Variants in ADAMTS19 observed in about 807,000 individuals in gnomAD.
ADAMTS19 encodes the protein ADAM metallopeptidase with thrombospondin type 1 motif 19, also known as A disintegrin and metalloproteinase with thrombospondin motifs 19.
In ADAMTS19, 93 loss-of-function variants were observed where a neutral mutation model predicts 153.3. The observed-to-expected ratio is 0.61, with a 90% CI of 0.51 to 0.72. ADAMTS19 has a LOEUF of 0.72. Ranked by LOEUF, ADAMTS19 falls within the 30% of genes least tolerant of loss-of-function variation. The pLI is 0.00. For missense variants in ADAMTS19, 1,482 were observed against 1,552.1 expected (o/e 0.95, Z 0.76); for synonymous variants, 600 against 556.6 (o/e 1.08, Z -1.10).
At chr5:129,553,861 A>G (rs774868542) in intron 7 of ADAMTS19, among the ~76,000 whole-genome samples, 16 of 152,160 alleles carry the variant, frequency 1.1e-4, no homozygotes, top group Non-Finnish European at 1.9e-4. Context: ...CACACTACCT[A>G]TGCCTATGTC....
chr5:129,704,663 A>T (rs1756062943), intron 21 of ADAMTS19, among the ~76,000 whole-genome samples: 1 of 152,198 alleles, frequency 6.6e-6, no homozygotes, highest in African/African-American at 2.4e-5. Flanking sequence ...TTTTTTGTTA[A>T]TTATTCATAT....
intron 13 of ADAMTS19, among the ~76,000 whole-genome samples, chr5:129,652,762 A>T (rs1753373401): frequency 6.6e-6 from 1 of 152,238 alleles, no homozygotes; most frequent in Non-Finnish European, 1.5e-5. Context: ...TCCTTTCAAT[A>T]TTATTTATTC....
chr5:129,607,114 A>T (rs1157360665), intron 8 of ADAMTS19, among the ~76,000 whole-genome samples: 1 of 152,018 alleles, frequency 6.6e-6, no homozygotes, highest in African/African-American at 2.4e-5. Context: ...ACAGGGTTTC[A>T]CCGTGTTGGC....
intron 7 of ADAMTS19, among the ~76,000 whole-genome samples, chr5:129,565,289 C>G (rs1055171370): frequency 3.9e-5 from 6 of 152,184 alleles, no homozygotes; most frequent in South Asian, 4.2e-4. Context: ...CAGATGGCCA[C>G]AAAGCATTGG....
chr5:129,736,790 A>G (rs1226703116), intron 22 of ADAMTS19, among the ~76,000 whole-genome samples: 1 of 152,102 alleles, frequency 6.6e-6, no homozygotes, highest in East Asian at 1.9e-4. Context: ...AATGCAAGCT[A>G]TGAAACTGAA....
chr5:129,733,572 C>A (rs575365048), intron 21 of ADAMTS19, among the ~76,000 whole-genome samples: 25 of 151,950 alleles, frequency 1.6e-4, no homozygotes, highest in Non-Finnish European at 2.9e-4. Context: ...CATCACTAAT[C>A]GTCCAAGAAA....
intron 15 of ADAMTS19, among the ~76,000 whole-genome samples, chr5:129,664,142 C>A (rs568917410): frequency 6.6e-6 from 1 of 152,206 alleles, no homozygotes; most frequent in African/African-American, 2.4e-5. Context: ...GCAGTGAAGC[C>A]TTGAAGGTAG....
At chr5:129,582,268 T>C (rs1454433241) in intron 7 of ADAMTS19, among the ~76,000 whole-genome samples, 1 of 151,270 alleles carries the variant, frequency 6.6e-6, no homozygotes, top group Admixed American at 6.6e-5. Context: ...GCTTTATGAA[T>C]CTGGGTGCTC....
At chr5:129,505,627 A>G (rs1581017027) in intron 2 of ADAMTS19, among the ~76,000 whole-genome samples, 1 of 152,286 alleles carries the variant, frequency 6.6e-6, no homozygotes, top group East Asian at 1.9e-4. Context: ...ATAAATAGAG[A>G]AAAAGAAATT....
chr5:129,569,398 AC>A (rs1438003066), intron 7 of ADAMTS19, among the ~76,000 whole-genome samples: 1 of 152,160 alleles, frequency 6.6e-6, no homozygotes, highest in African/African-American at 2.4e-5. Context: ...AAATGTCAAC[AC>A]TCCTCTAAGT....
chr5:129,541,318 A>G (rs1752646407), intron 6 of ADAMTS19, among the ~76,000 whole-genome samples: 1 of 151,952 alleles, frequency 6.6e-6, no homozygotes, highest in African/African-American at 2.4e-5. Context: ...ATGAAGTCCC[A>G]TGTTTCACAT....
At chr5:129,597,926 A>T (rs923755621) in intron 8 of ADAMTS19, among the ~76,000 whole-genome samples, 2 of 151,926 alleles carry the variant, frequency 1.3e-5, no homozygotes, top group Non-Finnish European at 2.9e-5. Flanking sequence ...AAAAAAGAAA[A>T]AAAAGAAATG....
At chr5:129,508,127 T>C (rs1023997319) in intron 2 of ADAMTS19, among the ~76,000 whole-genome samples, 11 of 152,086 alleles carry the variant, frequency 7.2e-5, no homozygotes, top group South Asian at 4.2e-4. Flanking sequence ...AAAATTCATA[T>C]TGATAATTCA....
Position 129,737,275 on chromosome 5 carries a change from C to A in ADAMTS19, c.*57C>A. Reference sequence around the variant, plus strand: ...GGCAATTACATTATTTATAAACACACACACTAGCATGTTTTTCAGACCAAA... The same window carrying A: ...GGCAATTACATTATTTATAAACACAAACACTAGCATGTTTTTCAGACCAAA... On this transcript the variant is annotated 3_prime_UTR_variant, in exon 23 of 23. Coordinates refer to ENST00000274487, the MANE Select transcript of ADAMTS19 (RefSeq NM_133638.6). 7.0e-7 allele frequency: 1 copy of A among 1,429,004 alleles called. No homozygotes were observed. The highest frequency in any genetic ancestry group is 9.4e-7 in the Non-Finnish European group (1 of 1,063,150). 88.5% of individuals were successfully genotyped at this position (1,429,004 alleles called of 1,614,324 possible). A position where few individuals can be genotyped will look rare whatever the true frequency, so the allele number is the denominator to read the frequency against.
chr5:129,584,841 G>T (rs558178059), intron 7 of ADAMTS19, among the ~76,000 whole-genome samples: 2 of 152,198 alleles, frequency 1.3e-5, no homozygotes, highest in South Asian at 2.1e-4. Context: ...GGCTCCATGG[G>T]GGTGGGATCT....
At chr5:129,733,548 T>TA (rs1757537637) in intron 21 of ADAMTS19, among the ~76,000 whole-genome samples, 1 of 151,544 alleles carries the variant, frequency 6.6e-6, no homozygotes. Context: ...CACAAACATA[T>TA]AAAAAATGCT....
intron 2 of ADAMTS19, chr5:129,500,543 T>C (rs895419090): frequency 2.0e-5 from 3 of 152,174 alleles, no homozygotes; most frequent in African/African-American, 4.8e-5. Context: ...ACGCCTGCCT[T>C]AGTCTTTGGG....
chr5:129,605,161 T>C (rs1338919044), intron 8 of ADAMTS19, among the ~76,000 whole-genome samples: 1 of 152,210 alleles, frequency 6.6e-6, no homozygotes, highest in Non-Finnish European at 1.5e-5. Flanking sequence ...TCCTATAGCC[T>C]GTTTTCAAAT....
rs1370388164 is a variant in ADAMTS19 at position 129,730,964 on chromosome 5, TTTTGTTTTGTTTGA to T, written c.3313-3967_3313-3954del. The stretch of plus-strand genomic sequence containing the variant: ...TTTTGTTTTGTTTTGTTTTGTTTTG[TTTTGTTTTGTTTGA>T]GACAGAGTCTCACTCTGTCACCCAG... On this transcript the variant is annotated intron_variant, in intron 21 of 22. Coordinates refer to ENST00000274487, the MANE Select transcript of ADAMTS19 (RefSeq NM_133638.6). 3.3e-5 allele frequency among the ~76,000 whole-genome samples: 5 copies of T among 151,136 alleles called. No individual in the cohort carries two copies. The South Asian group carries it at 6.4e-4, about 19-fold the overall frequency.
Sources: gnomAD v4.1 joint callset for allele counts (sites outside exome capture counted in the v4.1 genomes callset) on GRCh38, gnomAD v4.1.1 for gene constraint, MANE v1.5 for transcripts, NCBI Gene and HGNC (gene_info 2026-07-23, HGNC 2026-07-21) for gene names.